The following ASTN2 variants were observed in gnomAD, a reference collection of about 807,000 sequenced individuals.
ASTN2 encodes the protein astrotactin-2.
ASTN2 carries 54 observed loss-of-function variants against 139.8 expected under a neutral mutation model. The observed-to-expected ratio is 0.39, with a 90% CI of 0.31 to 0.48. The LOEUF is 0.48. Among genes scored for constraint, ASTN2 ranks in the 20% least tolerant of loss-of-function variants. ASTN2 has a pLI of 0.95. For synonymous variants in ASTN2, 756 were observed against 719.5 expected, an observed-to-expected ratio of 1.05 and a Z score of -0.81; for missense variants, 1,565 against 1,725.1, an observed-to-expected ratio of 0.91 and a Z score of 1.64.
intron 20 of ASTN2, among the ~76,000 whole-genome samples, chr9:116,458,546 G>A (rs1848398170): frequency 6.6e-6 from 1 of 151,730 alleles, no homozygotes; most frequent in South Asian, 2.1e-4. Context: ...AATAAGTTCA[G>A]TCAAGCAGGT....
At chr9:116,646,908 T>C (rs1857617824) in intron 17 of ASTN2, among the ~76,000 whole-genome samples, 1 of 152,224 alleles carries the variant, frequency 6.6e-6, no homozygotes, top group Non-Finnish European at 1.5e-5. Context: ...GCATTGTCCA[T>C]GGAGTTTTCT....
Position 116,698,917 on chromosome 9 carries a change from A to G in ASTN2, c.2806+26854T>C. The G allele has an allele frequency of 6.2e-7, 1 of 1,614,214 alleles. No individual in the cohort carries two copies. The highest frequency in any genetic ancestry group is 8.5e-7 in the Non-Finnish European group (1 of 1,180,034). On this transcript the variant is annotated intron_variant, in intron 16 of 22. Coordinates refer to ENST00000313400, the MANE Select transcript of ASTN2 (RefSeq NM_001365068.1). The surrounding 1 kb of genome is among the most constrained non-coding windows in gnomAD (Gnocchi z 4.4). ...GAAGTACTAGTCGCTGACCGTGGTA[A>G]CTATCGTATACAAGTCTTTACCCGC...
intron 19 of ASTN2, among the ~76,000 whole-genome samples, chr9:116,615,067 T>C (rs1310302940): frequency 1.3e-5 from 2 of 152,186 alleles, no homozygotes; most frequent in Admixed American, 1.3e-4. Context: ...GGGCAAAGGA[T>C]ATGAACAGAC....
intron 15 of ASTN2, 131 bp from the exon 16 acceptor site, chr9:116,726,081 C>T (rs995117773): frequency 8.0e-6 from 6 of 745,434 alleles, no homozygotes; most frequent in Non-Finnish European, 1.3e-5. Flanking sequence ...AGCTTGGTGG[C>T]TGCACTAGTC....
chr9:116,484,770 C>T (rs1861883), intron 20 of ASTN2, among the ~76,000 whole-genome samples: 23,816 of 152,016 alleles, frequency 0.16, 2,288 homozygotes, highest in Middle Eastern at 0.24. Context: ...AAAGAATGTT[C>T]CATATTTTAA....
At position 117,038,433 on chromosome 9, in the gene ASTN2, C is replaced by T. The variant is rs916562745; in HGVS notation, c.1423+1386G>A. Among the ~76,000 whole-genome samples, 4 of 152,024 alleles carry T rather than the reference C, an allele frequency of 2.6e-5. 1 individual carries two copies. The highest frequency in any genetic ancestry group is 6.6e-5 in the Admixed American group (1 of 15,252). The stretch of plus-strand genomic sequence containing the variant: ...AACCATATGAGGTGCTGGAAATATT[C>T]TATGATTTTATCTGTGTAGATTCAT... On this transcript the variant is annotated intron_variant, in intron 6 of 22. Coordinates refer to ENST00000313400, the MANE Select transcript of ASTN2 (RefSeq NM_001365068.1).
intron 1 of ASTN2, among the ~76,000 whole-genome samples, chr9:117,390,370 T>C (rs1276077094): frequency 6.6e-6 from 1 of 152,230 alleles, no homozygotes; most frequent in African/African-American, 2.4e-5. Flanking sequence ...GTCCATGGTT[T>C]ACATTAGGGT....
At chr9:116,934,723 A>G (rs1165842557) in intron 10 of ASTN2, among the ~76,000 whole-genome samples, 2 of 152,312 alleles carry the variant, frequency 1.3e-5, no homozygotes, top group East Asian at 3.9e-4. Flanking sequence ...GACATAGTTT[A>G]CCTATGTAAC....
intron 1 of ASTN2, among the ~76,000 whole-genome samples, chr9:117,376,814 C>A (rs1382283170): frequency 3.3e-5 from 5 of 152,110 alleles, no homozygotes. Flanking sequence ...ATCATAGGAG[C>A]TCAATAAATG....
Position 116,699,530 on chromosome 9 carries a change from C to A in ASTN2, c.2806+26241G>T, listed in dbSNP as rs758118499. 6.2e-6 allele frequency: 10 copies of A among 1,614,130 alleles called. No individual in the cohort carries two copies. Among genetic ancestry groups the A allele is most frequent in the Non-Finnish European group, 8.5e-6 (10 of 1,180,034 alleles). ...ATCTCATCGTGGCTGACAGTAGTCG[C>A]AAGGAAATTCTCCATTTTCCTAAGG... On this transcript the variant is annotated intron_variant, in intron 16 of 22. Transcript: ENST00000313400. This position sits in a 1 kb window ranked among gnomAD's most constrained non-coding sequence, Gnocchi z 4.2.
rs577848040 is a variant in ASTN2 at position 117,231,571 on chromosome 9, A to AGTGGAATTT, written c.631-16838_631-16830dup. 2.6e-5 allele frequency among the ~76,000 whole-genome samples: 4 copies of AGTGGAATTT among 152,326 alleles called. No individual in the cohort carries two copies. In the South Asian group the frequency reaches 8.3e-4, roughly 32 times the overall value. ...GAATTGATTTAAAATCCAAAACAGAAGTGGAATTTGTGGAATTTGGGGAGG... is the reference window on the plus strand; with the variant it reads ...GAATTGATTTAAAATCCAAAACAGAAGTGGAATTTGTGGAATTTGTGGAATTTGGGGAGG... On this transcript the variant is annotated intron_variant, in intron 2 of 22. Transcript: ENST00000313400.
rs746106557 is a variant in ASTN2, at chr9:116,651,623, G to T, written c.2977C>A (p.Pro993Thr). Reference sequence around the variant, plus strand: ...GTGGGGCTCAGCTGCTCCTTGCCTGGCCGGCGGCAAAGGTGACAGGTAGAT... The same window carrying T: ...GTGGGGCTCAGCTGCTCCTTGCCTGTCCGGCGGCAAAGGTGACAGGTAGAT... ...CPSTCHLCRR[P>T]GKEQLSPTPV... is the part of the protein sequence containing the mutation. Residue 993 changes from proline (P) to threonine (T), a missense_variant, in exon 17 of 23, where the codon CCA becomes ACA. Physicochemically the swap from Pro to Thr is conservative, Grantham distance 38. Coordinates refer to ENST00000313400, the MANE Select transcript of ASTN2 (RefSeq NM_001365068.1). The T allele has an allele frequency of 6.2e-7, 1 of 1,614,124 alleles. No individual in the cohort carries two copies. Among genetic ancestry groups the T allele is most frequent in the Non-Finnish European group, 8.5e-7 (1 of 1,180,030 alleles).
chr9:117,061,360 A>C (rs1839284989), intron 5 of ASTN2, among the ~76,000 whole-genome samples: 1 of 43,688 alleles, frequency 2.3e-5, no homozygotes, highest in African/African-American at 8.8e-5. Context: ...ATCATGATGT[A>C]AGTGCTTTGC....
chr9:116,752,717 G>GT (rs578047645), intron 13 of ASTN2, among the ~76,000 whole-genome samples: 8 of 152,268 alleles, frequency 5.3e-5, no homozygotes, highest in Non-Finnish European at 1.0e-4. Flanking sequence ...GAGCTGAACA[G>GT]ACACCTCACC....
intron 6 of ASTN2, among the ~76,000 whole-genome samples, chr9:117,031,053 G>T (rs1838233673): frequency 6.6e-6 from 1 of 152,076 alleles, no homozygotes. Flanking sequence ...TCCCCTATGG[G>T]GGTTCTGAAT....
chr9:116,494,442 T>C (rs1849611241), intron 19 of ASTN2, among the ~76,000 whole-genome samples: 1 of 152,114 alleles, frequency 6.6e-6, no homozygotes, highest in Non-Finnish European at 1.5e-5. Context: ...AAATTTTTAG[T>C]TATCACGCTC....
At chr9:117,382,910 A>T (rs1830307593) in intron 1 of ASTN2, among the ~76,000 whole-genome samples, 1 of 152,170 alleles carries the variant, frequency 6.6e-6, no homozygotes, top group East Asian at 1.9e-4. Context: ...TTAGACTGAG[A>T]AAAGATGTCA....
intron 4 of ASTN2, among the ~76,000 whole-genome samples, chr9:117,123,115 T>A (rs1473355343): frequency 6.6e-6 from 1 of 152,048 alleles, no homozygotes; most frequent in Non-Finnish European, 1.5e-5. Flanking sequence ...GTAAGGCCGT[T>A]AAAACACAGA....
chr9:117,192,989 C>A (rs563467236), intron 3 of ASTN2, among the ~76,000 whole-genome samples: 2 of 152,148 alleles, frequency 1.3e-5, no homozygotes, highest in Non-Finnish European at 2.9e-5. Context: ...TAACTGTGAC[C>A]TTTTAGGGAA....
Sources: allele counts gnomAD v4.1 joint callset (sites outside exome capture counted in the v4.1 genomes callset), GRCh38; gene constraint gnomAD v4.1.1; non-coding constraint Gnocchi (gnomAD v3.1); transcripts MANE v1.5; gene names NCBI Gene and HGNC (gene_info 2026-07-23, HGNC 2026-07-21).